Variants in DPYD observed in about 807,000 individuals in gnomAD.
The protein encoded by DPYD is dihydropyrimidine dehydrogenase.
A neutral mutation model predicts 116.2 loss-of-function variants in DPYD; 109 were observed. The ratio of observed to expected loss-of-function variants is 0.94; its 90% confidence interval spans 0.80 to 1.10. The LOEUF (loss-of-function observed/expected upper bound fraction) is 1.10, where lower values mean the gene tolerates loss of function less well. DPYD is among the 50% of genes least tolerant of loss of function. DPYD has a pLI of 0.00. For missense variants in DPYD, 1,302 were observed against 1,254.5 expected, an observed-to-expected ratio of 1.04 and a Z score of -0.57; for synonymous variants, 440 against 432.0, an observed-to-expected ratio of 1.02 and a Z score of -0.23.
At chr1:97,534,822 C>T (rs938978284) in intron 12 of DPYD, among the ~76,000 whole-genome samples, 1 of 151,934 alleles carries the variant, frequency 6.6e-6, no homozygotes, top group East Asian at 1.9e-4. Flanking sequence ...AATGTGAATG[C>T]TAAGCCTCTA....
chr1:97,720,135 G>GTC (rs1171122915), intron 5 of DPYD: 12 of 978,692 alleles, frequency 1.2e-5, no homozygotes, highest in African/African-American at 1.8e-5. Flanking sequence ...GTATTTCCCT[G>GTC]TCTCTCTCTC....
chr1:97,804,949 A>G (rs1023280989), intron 3 of DPYD, among the ~76,000 whole-genome samples: 4 of 151,900 alleles, frequency 2.6e-5, no homozygotes, highest in African/African-American at 9.7e-5. Flanking sequence ...TATAAAAAAG[A>G]TAAATACTAA....
At position 97,078,858 on chromosome 1, in the gene DPYD, A is replaced by T; in HGVS notation, c.*118T>A. 2.4e-6 allele frequency: 3 copies of T among 1,225,672 alleles called. No homozygotes were observed. The highest frequency in any genetic ancestry group is 5.0e-5 in the East Asian group (2 of 40,074). The allele number at this position is 1,225,672 out of a possible 1,614,324, so 75.9% of individuals were successfully genotyped here. A position where few individuals can be genotyped will look rare whatever the true frequency, so the allele number is the denominator to read the frequency against. On this transcript the variant is annotated 3_prime_UTR_variant, in exon 23 of 23. Transcript: ENST00000370192. ...ATGTATTTTGAAATTACATATTTTT[A>T]TTTAGAAAATGTATATTTGTTTTAA...
intron 18 of DPYD, among the ~76,000 whole-genome samples, chr1:97,291,385 C>A (rs1417045829): frequency 2.0e-5 from 3 of 151,894 alleles, no homozygotes; most frequent in Non-Finnish European, 4.4e-5. Context: ...GACACATGCA[C>A]ACGTATGTTT....
intron 1 of DPYD, among the ~76,000 whole-genome samples, chr1:97,891,265 G>A (rs551282102): frequency 1.3e-5 from 2 of 151,830 alleles, no homozygotes; most frequent in Non-Finnish European, 2.9e-5. Context: ...CCCCTCTCTG[G>A]ATGAATTGAG....
chr1:97,641,400 C>A (rs912503917), intron 8 of DPYD, among the ~76,000 whole-genome samples: 1 of 152,026 alleles, frequency 6.6e-6, no homozygotes, highest in African/African-American at 2.4e-5. Flanking sequence ...TTTCTAACCA[C>A]CAAATAAAGA....
Position 97,616,277 on chromosome 1 carries a change from C to T in DPYD, c.851-21111G>A, listed in dbSNP as rs540980239. Among the ~76,000 whole-genome samples, 9 of 152,034 alleles carry T rather than the reference C, an allele frequency of 5.9e-5. No homozygotes were observed. The East Asian group carries it at 1.7e-3, about 29-fold the overall frequency. On this transcript the variant is annotated intron_variant, in intron 8 of 22. Coordinates refer to ENST00000370192, the MANE Select transcript of DPYD (RefSeq NM_000110.4). The stretch of plus-strand genomic sequence containing the variant: ...ATGGTAAATTCAGTTTTCATTTGTT[C>T]ATTTTTTATTTATTGTCACACTTTT...
chr1:97,133,987 A>T, intron 20 of DPYD, among the ~76,000 whole-genome samples: 2 of 111,660 alleles, frequency 1.8e-5, no homozygotes, highest in East Asian at 2.8e-4. Flanking sequence ...TCACAGAGCC[A>T]GACTCTGTTT....
chr1:97,252,903 T>C (rs901283765), intron 18 of DPYD, among the ~76,000 whole-genome samples: 7 of 152,202 alleles, frequency 4.6e-5, no homozygotes, highest in Admixed American at 1.3e-4. Context: ...TATTTATTCA[T>C]AAACTTCGAA....
At chr1:97,415,992 G>A (rs993878260) in intron 14 of DPYD, among the ~76,000 whole-genome samples, 1 of 152,022 alleles carries the variant, frequency 6.6e-6, no homozygotes, top group African/African-American at 2.4e-5. Context: ...CTCCTGATTA[G>A]TAGATAAGGT....
intron 8 of DPYD, among the ~76,000 whole-genome samples, chr1:97,627,481 AG>A (rs1441617044): frequency 6.6e-6 from 1 of 152,068 alleles, no homozygotes; most frequent in Non-Finnish European, 1.5e-5. Flanking sequence ...ACTCTGTTTC[AG>A]GTATTTTCCC....
intron 7 of DPYD, among the ~76,000 whole-genome samples, chr1:97,680,283 T>C (rs190627428): frequency 6.6e-6 from 1 of 152,172 alleles, no homozygotes; most frequent in Admixed American, 6.5e-5. Flanking sequence ...AAAGATAATA[T>C]CCTATCCTGG....
intron 16 of DPYD, among the ~76,000 whole-genome samples, chr1:97,344,196 G>GAT (rs1158336354): frequency 6.6e-6 from 1 of 151,856 alleles, no homozygotes; most frequent in Non-Finnish European, 1.5e-5. Flanking sequence ...AAAAGAGAGA[G>GAT]AGAGAGAGAG....
intron 20 of DPYD, among the ~76,000 whole-genome samples, chr1:97,174,777 TATA>T (rs1657129603): frequency 6.6e-6 from 1 of 152,102 alleles, no homozygotes; most frequent in South Asian, 2.1e-4. Flanking sequence ...ACAATGTATT[TATA>T]ATATGTAGGA....
chr1:97,626,695 C>T lies in DPYD; in HGVS notation c.851-31529G>A, dbSNP rs182848460. On this transcript the variant is annotated intron_variant, in intron 8 of 22. Coordinates refer to ENST00000370192, the MANE Select transcript of DPYD (RefSeq NM_000110.4). ...AAAGATAAAGTCTTAGTATGTCTTC[C>T]TTCCGCATTAGCCTGACCATTATAA... Among the ~76,000 whole-genome samples the T allele has an allele frequency of 1.1e-4, 16 of 152,154 alleles. 1 individual carries two copies. In the East Asian group the frequency reaches 1.7e-3, roughly 17 times the overall value.
chr1:97,673,619 G>A (rs972676165), intron 8 of DPYD, among the ~76,000 whole-genome samples: 1 of 152,016 alleles, frequency 6.6e-6, no homozygotes, highest in African/African-American at 2.4e-5. Flanking sequence ...TTCTAGTGGT[G>A]GAAACAAACA....
chr1:97,086,354 T>G (rs932795199), intron 21 of DPYD, among the ~76,000 whole-genome samples: 1 of 8,272 alleles, frequency 1.2e-4, no homozygotes, highest in African/African-American at 2.1e-4. Flanking sequence ...CTGGCCAAGT[T>G]TTTTTTTTTT....
At chr1:97,431,107 A>C (rs988213046) in intron 14 of DPYD, among the ~76,000 whole-genome samples, 2 of 152,102 alleles carry the variant, frequency 1.3e-5, no homozygotes, top group African/African-American at 2.4e-5. Context: ...TTCTTCAAGG[A>C]GGTACAGATT....
chr1:97,158,296 A>T (rs988826345), intron 20 of DPYD, among the ~76,000 whole-genome samples: 1 of 152,034 alleles, frequency 6.6e-6, no homozygotes, highest in African/African-American at 2.4e-5. Context: ...ACAGCAAAAA[A>T]CATTTAAGTC....
Sources: allele counts gnomAD v4.1 joint callset (sites outside exome capture counted in the v4.1 genomes callset), GRCh38; gene constraint gnomAD v4.1.1; transcripts MANE v1.5; gene names NCBI Gene and HGNC (gene_info 2026-07-23, HGNC 2026-07-21).